SNAPC1: variants seen among roughly 807,000 people sequenced by gnomAD.
SNAPC1 encodes the protein small nuclear RNA activating complex polypeptide 1, also known as snRNA-activating protein complex subunit 1.
Under a neutral mutation model 50.1 loss-of-function variants are expected in SNAPC1, and 42 were observed. The ratio of observed to expected loss-of-function variants is 0.84; its 90% CI spans 0.65 to 1.08. The LOEUF (loss-of-function observed/expected upper bound fraction) is 1.08. SNAPC1 is among the 50% of genes least tolerant of loss of function. SNAPC1 has a pLI of 0.00. For missense variants in SNAPC1, 477 were observed against 427.3 expected (o/e 1.12, Z -1.02); for synonymous variants, 164 against 144.2 (o/e 1.14, Z -0.98).
intron 1 of SNAPC1, among the ~76,000 whole-genome samples, chr14:61,764,689 A>T (rs540655282): frequency 5.3e-5 from 8 of 152,300 alleles, no homozygotes; most frequent in African/African-American, 1.9e-4. Flanking sequence ...GGAAAAATGC[A>T]TTTAAGGAAA....
intron 2 of SNAPC1, 59 bp from the exon 3 acceptor site, chr14:61,767,153 A>C (rs1190265029): frequency 1.1e-5 from 14 of 1,246,598 alleles, no homozygotes; most frequent in Non-Finnish European, 1.5e-5. Context: ...TTAAAATTAT[A>C]ATATGTTTGT....
intron 9 of SNAPC1, 49 bp downstream of exon 9, chr14:61,792,951 G>A (rs374040747): frequency 2.4e-5 from 22 of 906,930 alleles, no homozygotes; most frequent in Non-Finnish European, 3.9e-5. Context: ...ACTTATACTC[G>A]TAGAGCATCA....
At chr14:61,787,771 G>C (rs2045125593) in intron 8 of SNAPC1, among the ~76,000 whole-genome samples, 1 of 152,176 alleles carries the variant, frequency 6.6e-6, no homozygotes, top group Non-Finnish European at 1.5e-5. Flanking sequence ...TGGTCCACAA[G>C]GACTCAAATA....
intron 8 of SNAPC1, among the ~76,000 whole-genome samples, chr14:61,788,703 G>C (rs1181043097): frequency 2.0e-5 from 3 of 152,162 alleles, no homozygotes; most frequent in Non-Finnish European, 4.4e-5. Flanking sequence ...TAAAATCTCA[G>C]TTTAAGTGGG....
rs745884632 is a variant in SNAPC1 at position 61,767,195 on chromosome 14, T to C, written c.289-17T>C. The C allele has an allele frequency of 4.2e-6, 6 of 1,420,576 alleles. No individual in the cohort carries two copies. 88.0% of individuals were successfully genotyped at this position (1,420,576 alleles called of 1,614,324 possible). A position where few individuals can be genotyped will look rare whatever the true frequency, so the allele number is the denominator to read the frequency against. On this transcript the variant is annotated splice_polypyrimidine_tract_variant and intron_variant, in intron 2 of 9. Coordinates refer to ENST00000216294, the MANE Select transcript of SNAPC1 (RefSeq NM_003082.4). ...ATATTTACATTTAGTACAACTTTTT[T>C]TTCTTCCTGGTTGCAGATCAGAGTT... is the stretch of plus-strand genomic sequence containing the variant.
intron 4 of SNAPC1, among the ~76,000 whole-genome samples, chr14:61,775,541 A>G (rs756850121): frequency 6.6e-6 from 1 of 152,178 alleles, no homozygotes; most frequent in Non-Finnish European, 1.5e-5. Context: ...GGTGTGAGCC[A>G]CCACACCTGG....
chr14:61,778,946 ACTG>A (rs766266940), intron 7 of SNAPC1, 36 bp downstream of exon 7: 9 of 1,153,990 alleles, frequency 7.8e-6, no homozygotes, highest in Non-Finnish European at 1.0e-5. Flanking sequence ...TTGGAAATTG[ACTG>A]CTTTTTAAAT....
chr14:61,768,740 G>C lies in SNAPC1; in HGVS notation c.534G>C (p.Glu178Asp). The stretch of plus-strand genomic sequence containing the variant: ...AACTTATCACTTCTGATGTATTAGA[G>C]GTAAATTTTCTTTTATGCTCTTGAA... ...VMKLITSDVL[E>D]EMLNVHDHYQ... is the part of the protein sequence containing the mutation. The change falls in exon 4 of 10, where the codon GAG becomes GAC. Residue 178 changes from glutamate to aspartate, a missense_variant and splice_region_variant. By Grantham distance (45) the Glu-to-Asp change is conservative (BLOSUM62 2). Coordinates refer to ENST00000216294, the MANE Select transcript of SNAPC1 (RefSeq NM_003082.4). 1 of 1,558,776 alleles carries C rather than the reference G, an allele frequency of 6.4e-7. No homozygotes were observed.
chr14:61,781,656 C>A (rs2045074320), intron 7 of SNAPC1, among the ~76,000 whole-genome samples: 2 of 152,246 alleles, frequency 1.3e-5, no homozygotes, highest in Non-Finnish European at 2.9e-5. Flanking sequence ...TCACTGCCGT[C>A]AAGTGCTGTT....
intron 1 of SNAPC1, among the ~76,000 whole-genome samples, chr14:61,766,082 A>G (rs1041948672): frequency 2.0e-5 from 3 of 152,176 alleles, no homozygotes; most frequent in Non-Finnish European, 2.9e-5. Flanking sequence ...TAGAAGCAAA[A>G]TTTATTCAAA....
At chr14:61,790,374 C>T (rs1270903420) in intron 8 of SNAPC1, among the ~76,000 whole-genome samples, 2 of 152,148 alleles carry the variant, frequency 1.3e-5, no homozygotes, top group South Asian at 2.1e-4. Context: ...GTTGCTCTGT[C>T]ACCCAGGCTG....
chr14:61,787,641 C>T (rs2140184996), intron 8 of SNAPC1, among the ~76,000 whole-genome samples: 1 of 152,308 alleles, frequency 6.6e-6, no homozygotes, highest in South Asian at 2.1e-4. Context: ...TTTGAAGACT[C>T]AGCAGTGTAT....
chr14:61,763,869 A>G (rs757546925), intron 1 of SNAPC1, among the ~76,000 whole-genome samples: 2 of 152,214 alleles, frequency 1.3e-5, no homozygotes, highest in Non-Finnish European at 2.9e-5. Context: ...ACCTCATAGT[A>G]GTTGTGAAGA....
intron 8 of SNAPC1, among the ~76,000 whole-genome samples, chr14:61,786,820 C>T (rs1259874759): frequency 6.6e-6 from 1 of 152,220 alleles, no homozygotes; most frequent in Non-Finnish European, 1.5e-5. Flanking sequence ...GAAATGAACA[C>T]TTAATGTTCA....
chr14:61,768,149 C>T (rs1024850084), intron 3 of SNAPC1, among the ~76,000 whole-genome samples: 2 of 152,164 alleles, frequency 1.3e-5, no homozygotes, highest in African/African-American at 4.8e-5. Flanking sequence ...AAAAATTTAG[C>T]CTTTGCTTTT....
intron 3 of SNAPC1, among the ~76,000 whole-genome samples, 194 bp downstream of exon 3, chr14:61,767,546 C>T (rs936957414): frequency 6.6e-6 from 1 of 151,874 alleles, no homozygotes; most frequent in African/African-American, 2.4e-5. Flanking sequence ...TGACTGCAAC[C>T]TCCGCCTCCC....
At chr14:61,765,385 G>C (rs1256130043) in intron 1 of SNAPC1, among the ~76,000 whole-genome samples, 1 of 152,130 alleles carries the variant, frequency 6.6e-6, no homozygotes, top group Non-Finnish European at 1.5e-5. Context: ...GTTGACATGC[G>C]CCCAAGGTGG....
intron 4 of SNAPC1, among the ~76,000 whole-genome samples, chr14:61,769,501 A>G (rs1034376736): frequency 3.4e-5 from 5 of 147,834 alleles, no homozygotes; most frequent in African/African-American, 7.5e-5. Context: ...AGGTTCAAGC[A>G]ATTCTCCTGC....
rs1594642944 is a variant in SNAPC1, at chr14:61,767,934, C to T, written c.429+582C>T. Among the ~76,000 whole-genome samples the T allele has an allele frequency of 2.0e-5, 3 of 152,292 alleles. No homozygotes were observed. The South Asian group carries it at 6.2e-4, about 32-fold the overall frequency. On this transcript the variant is annotated intron_variant, in intron 3 of 9. Transcript: ENST00000216294. ...AGCTGGGACTACAGGCGCCCTCCAC[C>T]ACGCCTAGCTAATTTTTGTATTTTT...
Sources: gnomAD v4.1 joint callset for allele counts (sites outside exome capture counted in the v4.1 genomes callset) on GRCh38, gnomAD v4.1.1 for gene constraint, MANE v1.5 for transcripts, NCBI Gene and HGNC (gene_info 2026-07-23, HGNC 2026-07-21) for gene names.